The following SLC12A7 variants were observed in gnomAD, a reference collection of about 807,000 sequenced individuals.
The protein encoded by SLC12A7 is K-Cl cotransporter 4.
SLC12A7 carries 100 observed loss-of-function variants against 120.6 expected under a neutral mutation model. The observed-to-expected ratio is 0.83, with a 90% confidence interval of 0.71 to 0.98. SLC12A7 has a LOEUF of 0.98. Ranked by LOEUF, SLC12A7 falls within the 50% of genes least tolerant of loss-of-function variation. SLC12A7 has a pLI of 0.00. For missense variants in SLC12A7, 1,373 were observed against 1,548.1 expected (o/e 0.89, Z 1.90); for synonymous variants, 760 against 678.0 (o/e 1.12, Z -1.88).
the SLC12A7 span, among the ~76,000 whole-genome samples, chr5:1,148,205 C>CTTTTTTTTTTTTT: frequency 1.9e-5 from 2 of 107,638 alleles, no homozygotes; most frequent in African/African-American, 7.6e-5. Flanking sequence ...TTCTTTCTTT[C>CTTTTTTTTTTTTT]TTTTTTTTTT....
rs749402481 is a variant in SLC12A7 at position 1,112,037 on chromosome 5, C to T, written c.-46G>A. ...CCCCGTCCCGGCCCGGCCCGCGCTG[C>T]GCCGCTCCCGCCGACGCCACGGGAC... On this transcript the variant is annotated 5_prime_UTR_variant, in exon 1 of 24. Transcript: ENST00000264930. The T allele has an allele frequency of 4.9e-6, 6 of 1,216,402 alleles. No individual in the cohort carries two copies. Among genetic ancestry groups the T allele is most frequent in the Admixed American group, 4.1e-5 (1 of 24,152 alleles). 75.4% of individuals were successfully genotyped at this position (1,216,402 alleles called of 1,614,324 possible). A position where few individuals can be genotyped will look rare whatever the true frequency, so the allele number is the denominator to read the frequency against.
rs1318798159 is a variant in SLC12A7, at chr5:1,093,581, GC to G, written c.293del (p.Gly98AlafsTer44). 1 of 1,611,566 alleles carries G rather than the reference GC, an allele frequency of 6.2e-7. No individual in the cohort carries two copies. Among genetic ancestry groups the G allele is most frequent in the Non-Finnish European group, 8.5e-7 (1 of 1,179,420 alleles). On this transcript the variant is annotated frameshift_variant, in exon 3 of 24. Coordinates refer to ENST00000264930, the MANE Select transcript of SLC12A7 (RefSeq NM_006598.3). LOFTEE classifies it high-confidence loss of function. The stretch of plus-strand genomic sequence containing the variant: ...CCTCGTCCTCCTCGTGCTCCACCAC[GC>G]CCTGGCTCAGGTTGGTGTAGTTGGC... ...KLANYTNLSQ[G>X]VVEHEEDEES...
chr5:1,076,879 G>T, intron 12 of SLC12A7, 67 bp from the exon 13 acceptor site: 1 of 1,118,224 alleles, frequency 8.9e-7, no homozygotes, highest in Non-Finnish European at 1.3e-6. Context: ...GCTGCAGGCT[G>T]GTCAGGTCTA....
the SLC12A7 span, among the ~76,000 whole-genome samples, chr5:1,151,491 C>T: frequency 2.0e-5 from 3 of 152,176 alleles, no homozygotes; most frequent in Admixed American, 6.5e-5. The surrounding 1 kb of genome is among the most constrained non-coding windows in gnomAD (Gnocchi z 6.2). Flanking sequence ...TAATTATGAG[C>T]GTCTGTAGGG....
Position 1,111,950 on chromosome 5 carries a change from G to T in SLC12A7, c.42C>A (p.Ala14=). 7.7e-7 allele frequency: 1 copy of T among 1,294,630 alleles called. No homozygotes were observed. Among genetic ancestry groups the T allele is most frequent in the Admixed American group, 3.1e-5 (1 of 31,820 alleles). The allele number at this position is 1,294,630 out of a possible 1,614,324, so 80.2% of individuals were successfully genotyped here. Reference sequence around the variant, plus strand: ...CGGCAGTCTCGTCCCCGCCGCCGTCGGCGTGAGCCTCCACGGGCACCACGG... The same window carrying T: ...CGGCAGTCTCGTCCCCGCCGCCGTCTGCGTGAGCCTCCACGGGCACCACGG... The part of the protein sequence containing the change: ...NFTVVPVEAH[A]DGGGDETAER... Residue 14 remains alanine, a synonymous_variant, in exon 1 of 24, where the codon GCC becomes GCA. Transcript: ENST00000264930.
At chr5:1,110,627 A>G (rs1389308935) in intron 1 of SLC12A7, among the ~76,000 whole-genome samples, 4 of 152,184 alleles carry the variant, frequency 2.6e-5, no homozygotes, top group African/African-American at 9.7e-5. Context: ...GCTCACACAG[A>G]AAGACCACGC....
intron 22 of SLC12A7, chr5:1,056,620 G>T (rs927606621): frequency 1.0e-4 from 100 of 983,192 alleles, no homozygotes; most frequent in Non-Finnish European, 1.2e-4. Context: ...AAAAACAAGA[G>T]TGTGTTACTG....
Position 1,076,166 on chromosome 5 carries a change from A to C in SLC12A7, c.1819T>G (p.Trp607Gly), listed in dbSNP as rs1420669229. The C allele has an allele frequency of 6.2e-7, 1 of 1,612,172 alleles. No individual in the cohort carries two copies. Among genetic ancestry groups the C allele is most frequent in the Non-Finnish European group, 8.5e-7 (1 of 1,179,540 alleles). ...TGGTAGAACTTGAAGCGTGGACGCC[A>C]GTTGGGGGTACGTAGCAGGGTCTGC... ...AVQTLLRTPN[W>G]RPRFKFYHWT... Residue 607 changes from tryptophan (W) to glycine (G), a missense_variant, in exon 14 of 24, where the codon TGG becomes GGG. Physicochemically the swap from Trp to Gly is radical, Grantham distance 184 (BLOSUM62 -2). Transcript: ENST00000264930.
At chr5:1,099,970 A>G (rs1391356483) in intron 1 of SLC12A7, among the ~76,000 whole-genome samples, 1 of 152,124 alleles carries the variant, frequency 6.6e-6, no homozygotes, top group African/African-American at 2.4e-5. Flanking sequence ...TACTGTTATC[A>G]CTGAAAAAAG....
intron 1 of SLC12A7, among the ~76,000 whole-genome samples, chr5:1,111,017 G>C (rs543237384): frequency 4.3e-4 from 66 of 152,364 alleles, no homozygotes; most frequent in African/African-American, 1.4e-3. Context: ...CTGCCAGGGA[G>C]CAGGGAGGCT....
Position 1,051,579 on chromosome 5 carries a change from AGACTCG to A in SLC12A7, c.*775_*780del, listed in dbSNP as rs1735042423. On this transcript the variant is annotated 3_prime_UTR_variant, in exon 24 of 24. Coordinates refer to ENST00000264930, the MANE Select transcript of SLC12A7 (RefSeq NM_006598.3). ...TGGCTGGTTTTCTAAAGGTGGATGGAGACTCGGACAGCTGCAAACACAGCCCGGCAT... is the reference window on the plus strand; with the variant it reads ...TGGCTGGTTTTCTAAAGGTGGATGGAGACAGCTGCAAACACAGCCCGGCAT... 4.6e-5 allele frequency: 7 copies of A among 152,416 alleles called. No individual in the cohort carries two copies. The highest frequency in any genetic ancestry group is 4.6e-4 in the Admixed American group (7 of 15,300). The allele number at this position is 152,416 out of a possible 1,614,324, so 9.4% of individuals were successfully genotyped here. A position where few individuals can be genotyped will look rare whatever the true frequency, so the allele number is the denominator to read the frequency against.
chr5:1,129,468 G>A, the SLC12A7 span, among the ~76,000 whole-genome samples: 5 of 152,240 alleles, frequency 3.3e-5, no homozygotes, highest in South Asian at 2.1e-4. Context: ...GTAAGGGACA[G>A]AACCAGGCGC....
chr5:1,105,927 G>A (rs141213114), intron 1 of SLC12A7, among the ~76,000 whole-genome samples: 5 of 152,260 alleles, frequency 3.3e-5, no homozygotes, highest in Non-Finnish European at 7.4e-5. Flanking sequence ...ACAGTGGGAG[G>A]GGGAGGTCTA....
chr5:1,093,533 C>T lies in SLC12A7; in HGVS notation c.342G>A (p.Lys114=), dbSNP rs762219227. The change falls in exon 3 of 24, where the codon AAG becomes AAA. Residue 114 remains lysine, a splice_region_variant and synonymous_variant. Coordinates refer to ENST00000264930, the MANE Select transcript of SLC12A7 (RefSeq NM_006598.3). The part of the protein sequence containing the change: ...EDEESRRREA[K]APRMGTFIGV... ...GCGGGCACGGGCAGGGTGGCAGTACCTTGGCCTCCCGCCGCCGGCTCTCCT... is the reference window on the plus strand; with the variant it reads ...GCGGGCACGGGCAGGGTGGCAGTACTTTGGCCTCCCGCCGCCGGCTCTCCT... 1.3e-6 allele frequency: 2 copies of T among 1,568,394 alleles called. No homozygotes were observed. Among genetic ancestry groups the T allele is most frequent in the Non-Finnish European group, 1.7e-6 (2 of 1,157,570 alleles).
At chr5:1,056,580 A>G (rs1735635381) in intron 22 of SLC12A7, 1 of 985,424 alleles carries the variant, frequency 1.0e-6, no homozygotes, top group East Asian at 1.1e-4. Context: ...GAGTGGACTT[A>G]CAGGTTTCCC....
In SLC12A7 at chr5:1,060,359, G is replaced by T. The variant is rs146559476; in HGVS notation, c.2832C>A (p.Asn944Lys). 3 of 1,613,224 alleles carry T rather than the reference G, an allele frequency of 1.9e-6. No individual in the cohort carries two copies. The African/African-American group carries it at 4.0e-5, about 22-fold the overall frequency. Residue 944 changes from asparagine (N) to lysine (K), a missense_variant, in exon 21 of 24, where the codon AAC (asparagine) becomes AAA (lysine). By Grantham distance (94) the Asn-to-Lys change is moderately conservative. Coordinates refer to ENST00000264930, the MANE Select transcript of SLC12A7 (RefSeq NM_006598.3). Reference sequence around the variant, plus strand: ...CCCCACGTACCTCTCGCTCCTGCTCGTTCTTGGACAGCTGCATCTGCTTCA... The same window carrying T: ...CCCCACGTACCTCTCGCTCCTGCTCTTTCTTGGACAGCTGCATCTGCTTCA... ...QMLKQMQLSK[N>K]EQEREAQLIH...
At chr5:1,074,443 C>T (rs966007041) in intron 16 of SLC12A7, 124 bp downstream of exon 16, 184 of 860,066 alleles carry the variant, frequency 2.1e-4, no homozygotes, top group Non-Finnish European at 2.9e-4. Flanking sequence ...TGTTCACACC[C>T]CAGACCTTGC....
At chr5:1,087,180 T>A in intron 5 of SLC12A7, 147 bp from the exon 6 acceptor site, 1 of 1,089,166 alleles carries the variant, frequency 9.2e-7, no homozygotes, top group Non-Finnish European at 1.3e-6. Flanking sequence ...AAGCAGCACA[T>A]GGAGACGCTT....
intron 13 of SLC12A7, 38 bp downstream of exon 13, chr5:1,076,656 T>C (rs779584850): frequency 5.3e-6 from 8 of 1,514,860 alleles, no homozygotes; most frequent in Non-Finnish European, 7.3e-6. Context: ...TCCAGGCCCA[T>C]ACACCCATCC....
Sources: gnomAD v4.1 joint callset for allele counts (sites outside exome capture counted in the v4.1 genomes callset) on GRCh38, gnomAD v4.1.1 for gene constraint, Gnocchi (gnomAD v3.1) non-coding constraint, MANE v1.5 for transcripts, NCBI Gene and HGNC (gene_info 2026-07-23, HGNC 2026-07-21) for gene names.